The following IQSEC2 variants were observed in gnomAD, a reference collection of about 807,000 sequenced individuals.
IQSEC2 encodes the protein IQ motif and Sec7 domain ArfGEF 2.
A neutral mutation model predicts 74.6 loss-of-function variants in IQSEC2; 6 were observed. The observed-to-expected ratio is 0.08, with a 90% CI of 0.04 to 0.16. IQSEC2 has a LOEUF of 0.16. IQSEC2 is among the 10% of genes least tolerant of loss of function. The pLI is 1.00. For missense variants in IQSEC2, 734 were observed against 1,306.2 expected, an observed-to-expected ratio of 0.56 and a Z score of 6.75; for synonymous variants, 494 against 544.5, an observed-to-expected ratio of 0.91 and a Z score of 1.29.
intron 1 of IQSEC2, among the ~76,000 whole-genome samples, chrX:53,303,526 C>A (rs1029644575): frequency 1.2e-4 from 13 of 111,365 alleles, no homozygotes; most frequent in African/African-American, 3.9e-4. Context: ...GTAGGCCGGG[C>A]GTGGTGGTTC....
chrX:53,262,086 C>T (rs1342770637), intron 2 of IQSEC2, among the ~76,000 whole-genome samples: 2 of 112,466 alleles, frequency 1.8e-5, no homozygotes, highest in South Asian at 3.7e-4. Flanking sequence ...GTGCTAGTTC[C>T]TCTGCTGCCC....
At chrX:53,285,035 C>T (rs782516570) in intron 2 of IQSEC2, among the ~76,000 whole-genome samples, 1 of 112,323 alleles carries the variant, frequency 8.9e-6, no homozygotes, top group South Asian at 3.7e-4. Context: ...ACTGCAGATA[C>T]TCCTTTAGTT....
chrX:53,244,525 C>CAAA (rs1190920344), intron 8 of IQSEC2, among the ~76,000 whole-genome samples: 484 of 47,748 alleles, frequency 0.01, 4 homozygotes, highest in African/African-American at 0.028. Flanking sequence ...GACCCTGTCT[C>CAAA]AAAAAAAAAA....
intron 2 of IQSEC2, among the ~76,000 whole-genome samples, chrX:53,270,787 C>T (rs782403347): frequency 1.4e-4 from 15 of 111,001 alleles, no homozygotes; most frequent in African/African-American, 4.9e-4. Flanking sequence ...GAACTTACTG[C>T]GAACTCCAGC....
intron 1 of IQSEC2, among the ~76,000 whole-genome samples, chrX:53,314,461 A>G (rs143323058): frequency 0.027 from 2,992 of 111,624 alleles, 95 homozygotes; most frequent in African/African-American, 0.087. Context: ...AAAAAGGGGC[A>G]ATGTGCTCAT....
At chrX:53,244,225 A>AG (rs1236043426) in intron 8 of IQSEC2, among the ~76,000 whole-genome samples, 5 of 108,240 alleles carry the variant, frequency 4.6e-5, no homozygotes, top group Admixed American at 3.0e-4. Context: ...TCAAAAAAAA[A>AG]AAAAAGAAAA....
At chrX:53,289,599 C>G (rs782279100) in intron 2 of IQSEC2, among the ~76,000 whole-genome samples, 1 of 111,413 alleles carries the variant, frequency 9.0e-6, no homozygotes, top group Non-Finnish European at 1.9e-5. Context: ...CTAACTGGAG[C>G]GAATTCAAAA....
chrX:53,252,525 A>G (rs1273574433), intron 4 of IQSEC2, among the ~76,000 whole-genome samples: 2 of 111,641 alleles, frequency 1.8e-5, no homozygotes, highest in African/African-American at 6.5e-5. Context: ...GGAAAGCCGC[A>G]TCACGAACAG....
intron 1 of IQSEC2, among the ~76,000 whole-genome samples, chrX:53,307,601 C>A (rs1373020141): frequency 1.8e-5 from 2 of 108,924 alleles, no homozygotes; most frequent in Non-Finnish European, 3.8e-5. Flanking sequence ...AGGGAATGAT[C>A]AAAGAAATAA....
chrX:53,226,675 T>C (rs1556857589), downstream of IQSEC2: 3 of 112,193 alleles, frequency 2.7e-5, no homozygotes, highest in Non-Finnish European at 5.6e-5. Context: ...CCATCCTGCC[T>C]ACTTCAGGAC....
chrX:53,292,782 C>T (rs1033493457), intron 1 of IQSEC2, among the ~76,000 whole-genome samples: 3 of 111,425 alleles, frequency 2.7e-5, no homozygotes, highest in Non-Finnish European at 3.8e-5. Context: ...CGTGTGTACA[C>T]GTGTGTGTAT....
In IQSEC2 at chrX:53,248,244, G is replaced by T; in HGVS notation, c.2460-8C>A. 2 of 1,208,687 alleles carry T rather than the reference G, an allele frequency of 1.7e-6. No individual in the cohort carries two copies. The highest frequency in any genetic ancestry group is 2.2e-6 in the Non-Finnish European group (2 of 893,964). On this transcript the variant is annotated splice_polypyrimidine_tract_variant and splice_region_variant and intron_variant, in intron 6 of 14. Transcript: ENST00000642864. ...ATCTCATCCACCACACAGCTAAGGAGCAAAGAAGGAGGTGTGGCGCTTTCA... is the reference window on the plus strand; with the variant it reads ...ATCTCATCCACCACACAGCTAAGGATCAAAGAAGGAGGTGTGGCGCTTTCA...
intron 5 of IQSEC2, 48 bp downstream of exon 5, chrX:53,250,231 T>C (rs782205816): frequency 1.7e-6 from 2 of 1,182,784 alleles, no homozygotes; most frequent in Non-Finnish European, 2.3e-6. Flanking sequence ...CCCAAGTGCA[T>C]GTGGCAGGGT....
At chrX:53,303,465 T>C (rs1270531821) in intron 1 of IQSEC2, among the ~76,000 whole-genome samples, 8 of 111,021 alleles carry the variant, frequency 7.2e-5, no homozygotes, top group Non-Finnish European at 1.5e-4. Context: ...GAGGTAAAGA[T>C]GATTCCCAAG....
chrX:53,256,863 C>T (rs782816769), intron 2 of IQSEC2, among the ~76,000 whole-genome samples: 1 of 112,403 alleles, frequency 8.9e-6, no homozygotes, highest in Non-Finnish European at 1.9e-5. Flanking sequence ...AGGGGAGTCT[C>T]CACGCGTGGC....
At chrX:53,303,399 C>T (rs895005217) in intron 1 of IQSEC2, among the ~76,000 whole-genome samples, 1 of 111,168 alleles carries the variant, frequency 9.0e-6, no homozygotes, top group African/African-American at 3.3e-5. Context: ...TTCCCTAAAC[C>T]ACAAGTGGCG....
intron 2 of IQSEC2, among the ~76,000 whole-genome samples, chrX:53,281,917 C>T (rs961888809): frequency 3.6e-5 from 4 of 112,373 alleles, no homozygotes; most frequent in African/African-American, 1.3e-4. Context: ...AAGATCAAGA[C>T]CCGGTTTGGC....
At chrX:53,242,259 C>T (rs888309701) in intron 9 of IQSEC2, among the ~76,000 whole-genome samples, 3 of 108,607 alleles carry the variant, frequency 2.8e-5, no homozygotes, top group African/African-American at 1.0e-4. Context: ...CATGGTGAAA[C>T]CCCGTCTCTA....
At chrX:53,238,327 G>C (rs1456839416) in intron 11 of IQSEC2, 21 bp from the exon 12 acceptor site, 1 of 1,203,113 alleles carries the variant, frequency 8.3e-7, no homozygotes, top group African/African-American at 1.8e-5. Context: ...AGGGGAGACT[G>C]GGCACCTCTG....
Sources: gnomAD v4.1 joint callset for allele counts (sites outside exome capture counted in the v4.1 genomes callset) on GRCh38, gnomAD v4.1.1 for gene constraint, MANE v1.5 for transcripts, NCBI Gene and HGNC (gene_info 2026-07-23, HGNC 2026-07-21) for gene names.